Variants in FAM117A observed in about 807,000 individuals in gnomAD.
FAM117A encodes protein FAM117A.
FAM117A carries 21 observed loss-of-function variants against 44.1 expected under a neutral mutation model. The ratio of observed to expected loss-of-function variants is 0.48; its 90% CI spans 0.34 to 0.69. The LOEUF (loss-of-function observed/expected upper bound fraction) is 0.69, where lower values mean the gene tolerates loss of function less well. Ranked by LOEUF, FAM117A falls within the 30% of genes least tolerant of loss-of-function variation. The pLI, the probability that FAM117A is intolerant of heterozygous loss-of-function variation, is 0.01. For synonymous variants in FAM117A, 220 were observed against 238.3 expected (o/e 0.92, Z 0.71); for missense variants, 498 against 589.9 (o/e 0.84, Z 1.61).
intron 1 of FAM117A, among the ~76,000 whole-genome samples, chr17:49,757,714 G>GT: frequency 6.6e-6 from 1 of 152,288 alleles, no homozygotes; most frequent in Admixed American, 6.5e-5. Context: ...ATCAGGATTT[G>GT]TTTTTGACCT....
intron 1 of FAM117A, among the ~76,000 whole-genome samples, chr17:49,769,312 T>C (rs2073754225): frequency 6.7e-6 from 1 of 150,030 alleles, no homozygotes; most frequent in Non-Finnish European, 1.5e-5. Flanking sequence ...AATAAATAAA[T>C]AAAATAAAAT....
exon 1 of FAM117A, chr17:49,788,524 C>T (rs1306676209): frequency 2.8e-6 from 1 of 358,562 alleles, no homozygotes; most frequent in Non-Finnish European, 5.1e-6. Flanking sequence ...GCTCCGGGTT[C>T]CACCACTGGA....
chr17:49,761,143 A>G (rs905350331), intron 1 of FAM117A, among the ~76,000 whole-genome samples: 2 of 152,198 alleles, frequency 1.3e-5, no homozygotes, highest in African/African-American at 4.8e-5. Flanking sequence ...GCGTTACATC[A>G]CTTTGAGATG....
chr17:49,729,322 T>G (rs2073574320), intron 2 of FAM117A, among the ~76,000 whole-genome samples: 1 of 151,952 alleles, frequency 6.6e-6, no homozygotes, highest in Admixed American at 6.6e-5. Flanking sequence ...TGCTGGCTCT[T>G]GGTGGAGGGA....
intron 1 of FAM117A, among the ~76,000 whole-genome samples, chr17:49,733,296 A>G (rs1462551585): frequency 6.6e-6 from 1 of 152,184 alleles, no homozygotes; most frequent in Non-Finnish European, 1.5e-5. Context: ...AGGATTGAGG[A>G]ATCTAGTTTA....
chr17:49,740,527 G>A (rs1038975031), intron 1 of FAM117A, among the ~76,000 whole-genome samples: 39 of 152,322 alleles, frequency 2.6e-4, no homozygotes, highest in Admixed American at 8.5e-4. Context: ...GGGATTACAG[G>A]CGTGAGCCAC....
At chr17:49,768,003 G>A (rs2073750341), upstream of FAM117A, among the ~76,000 whole-genome samples, 1 of 151,994 alleles carries the variant, frequency 6.6e-6, no homozygotes, top group South Asian at 2.1e-4. Context: ...GTTTCCAACA[G>A]CAAATGCTGT....
intron 1 of FAM117A, among the ~76,000 whole-genome samples, chr17:49,787,451 G>A (rs968242145): frequency 1.3e-5 from 2 of 152,220 alleles, no homozygotes; most frequent in Non-Finnish European, 2.9e-5. Context: ...CAAGGAGAGT[G>A]CTGGCTAAAG....
At position 49,751,308 on chromosome 17, in the gene FAM117A, C is replaced by T. The variant is rs554446294; in HGVS notation, c.196+12584G>A. 5.3e-5 allele frequency among the ~76,000 whole-genome samples: 8 copies of T among 149,744 alleles called. No homozygotes were observed. In the South Asian group the frequency reaches 6.3e-4, roughly 12 times the overall value. The stretch of plus-strand genomic sequence containing the variant: ...AAAAAAAAAAAAAAAAAGCCGGGCG[C>T]GCTGGCTCACACCTGTAATCCCAAC... On this transcript the variant is annotated intron_variant, in intron 1 of 7. Transcript: ENST00000240364.
intron 1 of FAM117A, among the ~76,000 whole-genome samples, chr17:49,740,450 C>T (rs528344199): frequency 6.6e-5 from 10 of 152,230 alleles, no homozygotes; most frequent in South Asian, 2.1e-4. Context: ...GGGGTTTCAC[C>T]GTGTTAGCCA....
chr17:49,729,072 G>A (rs1209219901), intron 2 of FAM117A, among the ~76,000 whole-genome samples: 1 of 152,208 alleles, frequency 6.6e-6, no homozygotes, highest in African/African-American at 2.4e-5. Context: ...GCACTACTGG[G>A]CTATATTCAA....
intron 1 of FAM117A, among the ~76,000 whole-genome samples, chr17:49,748,059 T>C (rs2073660600): frequency 1.3e-5 from 2 of 152,228 alleles, no homozygotes; most frequent in South Asian, 4.1e-4. Flanking sequence ...GCCTCTCCTG[T>C]GCTTCCAGAT....
intron 1 of FAM117A, among the ~76,000 whole-genome samples, chr17:49,787,010 C>A (rs1048090557): frequency 6.6e-6 from 1 of 151,758 alleles, no homozygotes; most frequent in African/African-American, 2.4e-5. Context: ...CTTGAGCCCA[C>A]GAGGTGGAGC....
chr17:49,788,812 C>T (rs187579044), upstream of FAM117A: 123 of 1,580,784 alleles, frequency 7.8e-5, no homozygotes, highest in East Asian at 2.8e-3. Flanking sequence ...CGAATCGGAA[C>T]CGTCGGGCCG....
intron 1 of FAM117A, among the ~76,000 whole-genome samples, chr17:49,758,226 G>A (rs2073706468): frequency 6.6e-6 from 1 of 152,022 alleles, no homozygotes; most frequent in African/African-American, 2.4e-5. Flanking sequence ...CAGCTACTTG[G>A]GAAGCTGAGG....
At chr17:49,764,189 C>G, upstream of FAM117A, 1 of 559,528 alleles carries the variant, frequency 1.8e-6, no homozygotes. Context: ...GACCGGCCCC[C>G]TCATCCTAGA....
At chr17:49,766,336 T>A (rs1356288757), upstream of FAM117A, among the ~76,000 whole-genome samples, 1 of 152,254 alleles carries the variant, frequency 6.6e-6, no homozygotes, top group Non-Finnish European at 1.5e-5. Flanking sequence ...TCTAGTGTTT[T>A]ATAGCTTTCA....
intron 1 of FAM117A, among the ~76,000 whole-genome samples, chr17:49,746,110 CA>C (rs2073653469): frequency 6.6e-6 from 1 of 151,940 alleles, no homozygotes; most frequent in South Asian, 2.1e-4. Context: ...ATTGTGCACC[CA>C]AAAAAGTGCA....
intron 2 of FAM117A, among the ~76,000 whole-genome samples, chr17:49,727,235 G>A (rs772543196): frequency 1.4e-4 from 21 of 151,816 alleles, no homozygotes; most frequent in African/African-American, 2.7e-4. Flanking sequence ...GTGAAACTCC[G>A]TCTCTACTAA....
Sources: gnomAD v4.1 joint callset for allele counts (sites outside exome capture counted in the v4.1 genomes callset) on GRCh38, gnomAD v4.1.1 for gene constraint, MANE v1.5 for transcripts, NCBI Gene and HGNC (gene_info 2026-07-23, HGNC 2026-07-21) for gene names.